The following FAM78B variants were observed in gnomAD, a reference collection of about 807,000 sequenced individuals.
FAM78B encodes the protein family with sequence similarity 78 member B, also known as protein FAM78B.
A neutral mutation model predicts 20.0 loss-of-function variants in FAM78B; 10 were observed. That is an observed-to-expected ratio of 0.50 (90% CI 0.31 to 0.85). The LOEUF (loss-of-function observed/expected upper bound fraction) is 0.85, where lower values mean the gene tolerates loss of function less well. Among genes scored for constraint, FAM78B ranks in the 40% least tolerant of loss-of-function variants. The pLI is 0.05. For synonymous variants in FAM78B, 135 were observed against 132.8 expected, an observed-to-expected ratio of 1.02 and a Z score of -0.12; for missense variants, 283 against 345.0, an observed-to-expected ratio of 0.82 and a Z score of 1.42.
Position 166,146,312 on chromosome 1 carries a change from T to C in FAM78B, c.263+19674A>G, listed in dbSNP as rs927508784. ...CTGGGATCACAAGGCATTATGTTTA[T>C]TTAGGATACTTTCTGAGACATTTCT... On this transcript the variant is annotated intron_variant, in intron 1 of 1. Transcript: ENST00000354422. Among the ~76,000 whole-genome samples, 6 of 152,336 alleles carry C rather than the reference T, an allele frequency of 3.9e-5. No individual in the cohort carries two copies. The South Asian group carries it at 6.2e-4, about 16-fold the overall frequency.
In FAM78B at chr1:166,166,279, TG is replaced by T; in HGVS notation, c.-32del. 1 of 1,273,572 alleles carries T rather than the reference TG, an allele frequency of 7.9e-7. No individual in the cohort carries two copies. The allele number at this position is 1,273,572 out of a possible 1,614,324, so 78.9% of individuals were successfully genotyped here. On this transcript the variant is annotated 5_prime_UTR_variant, in exon 1 of 2. Transcript: ENST00000354422. ...AGCCCGGTGCCGGCACGGCGCGGCG[TG>T]GGGCAGCGCGGGGGCCCGCGCGGGC...
chr1:166,134,696 T>A (rs1655008455), intron 1 of FAM78B, among the ~76,000 whole-genome samples: 1 of 152,154 alleles, frequency 6.6e-6, no homozygotes, highest in Non-Finnish European at 1.5e-5. Flanking sequence ...CTGATTGTGG[T>A]GTCACAAGGC....
intron 2 of FAM78B, among the ~76,000 whole-genome samples, chr1:166,062,960 T>G (rs10918331): frequency 0.25 from 37,852 of 152,202 alleles, 5,068 homozygotes; most frequent in Middle Eastern, 0.32. Context: ...GACGTGGCTG[T>G]AGGTTTTTCC....
chr1:166,081,280 T>G (rs938677232), intron 1 of FAM78B: 5 of 152,226 alleles, frequency 3.3e-5, no homozygotes, highest in Non-Finnish European at 7.3e-5. Flanking sequence ...TAGAGACATC[T>G]TCTCACTGTG....
chr1:166,079,077 A>G (rs989097345), intron 1 of FAM78B, among the ~76,000 whole-genome samples: 8 of 152,000 alleles, frequency 5.3e-5, no homozygotes, highest in African/African-American at 1.9e-4. Context: ...GACTACAGGC[A>G]TGCACCACCA....
chr1:166,092,867 T>C (rs1263095075), intron 1 of FAM78B, among the ~76,000 whole-genome samples: 1 of 152,142 alleles, frequency 6.6e-6, no homozygotes, highest in East Asian at 1.9e-4. Context: ...ATAAGTCACT[T>C]GTTAAATCCT....
At chr1:166,084,205 C>CCACA (rs374157991) in intron 1 of FAM78B, among the ~76,000 whole-genome samples, 33,063 of 120,482 alleles carry the variant, frequency 0.27, 4,395 homozygotes, top group Middle Eastern at 0.35. Context: ...GATGTAGAAA[C>CCACA]CACACACACA....
At chr1:166,109,840 G>A (rs6426967) in intron 1 of FAM78B, among the ~76,000 whole-genome samples, 13,640 of 24,184 alleles carry the variant, frequency 0.56, 4,561 homozygotes, top group Non-Finnish European at 0.65. Context: ...ATGTATATAT[G>A]TATATATATA....
chr1:166,111,326 T>C (rs1654050167), intron 1 of FAM78B, among the ~76,000 whole-genome samples: 1 of 152,178 alleles, frequency 6.6e-6, no homozygotes, highest in Non-Finnish European at 1.5e-5. Context: ...ATATTGAATT[T>C]CATATTTGCT....
rs116190744 is a variant in FAM78B at position 166,143,347 on chromosome 1, G to A, written c.263+22639C>T. On this transcript the variant is annotated intron_variant, in intron 1 of 1. Transcript: ENST00000354422. Reference sequence around the variant, plus strand: ...GGAACAGCATATTCAAAAGTCTAGAGGTATCACGGCTGGGAGCTACATGCC... The same window carrying A: ...GGAACAGCATATTCAAAAGTCTAGAAGTATCACGGCTGGGAGCTACATGCC... 3.4e-3 allele frequency among the ~76,000 whole-genome samples: 510 copies of A among 152,046 alleles called. 1 individual carries two copies. Among genetic ancestry groups the A allele is most frequent in the Admixed American group, 7.7e-3 (118 of 15,258 alleles).
intron 1 of FAM78B, among the ~76,000 whole-genome samples, chr1:166,161,153 C>T (rs1397500624): frequency 1.3e-5 from 2 of 151,236 alleles, no homozygotes; most frequent in Non-Finnish European, 2.9e-5. Context: ...AAGAGATTTT[C>T]TTTCTTTTTT....
At chr1:166,078,329 G>A (rs917126315) in intron 1 of FAM78B, among the ~76,000 whole-genome samples, 1 of 151,974 alleles carries the variant, frequency 6.6e-6, no homozygotes, top group South Asian at 2.1e-4. Context: ...GTGCCTGGCC[G>A]TCAATATTAG....
chr1:166,056,941 G>C (rs1451699665), downstream of FAM78B, among the ~76,000 whole-genome samples: 1 of 152,148 alleles, frequency 6.6e-6, no homozygotes. Flanking sequence ...CAGACCTCTT[G>C]TAAGAGAGGC....
chr1:166,135,553 C>T (rs770941497), intron 1 of FAM78B, among the ~76,000 whole-genome samples: 30 of 152,240 alleles, frequency 2.0e-4, no homozygotes, highest in Non-Finnish European at 4.3e-4. Flanking sequence ...CATTGCTCTT[C>T]TACTCAGTCC....
intron 1 of FAM78B, among the ~76,000 whole-genome samples, chr1:166,137,612 C>T (rs1228694258): frequency 6.6e-6 from 1 of 151,984 alleles, no homozygotes; most frequent in Non-Finnish European, 1.5e-5. Context: ...ACCTGCAGAT[C>T]AGAGGAAATA....
At position 166,147,100 on chromosome 1, in the gene FAM78B, GC is replaced by G. The variant is rs1655482962; in HGVS notation, c.263+18885del. Among the ~76,000 whole-genome samples the G allele has an allele frequency of 3.9e-5, 6 of 152,300 alleles. No homozygotes were observed. The South Asian group carries it at 1.2e-3, about 32-fold the overall frequency. On this transcript the variant is annotated intron_variant, in intron 1 of 1. Coordinates refer to ENST00000354422, the MANE Select transcript of FAM78B (RefSeq NM_001017961.5). Reference sequence around the variant, plus strand: ...ATCTAGGAGGAGATAATCCGAAAGAGCCTTACCCTAGGAGAGGTGGTCAGGA... The same window carrying G: ...ATCTAGGAGGAGATAATCCGAAAGAGCTTACCCTAGGAGAGGTGGTCAGGA...
intron 1 of FAM78B, among the ~76,000 whole-genome samples, chr1:166,137,940 T>A (rs559810806): frequency 2.9e-4 from 44 of 152,316 alleles, no homozygotes; most frequent in African/African-American, 1.1e-3. Context: ...TGTAGGCAGC[T>A]GGTCTCAGGC....
intron 1 of FAM78B, among the ~76,000 whole-genome samples, chr1:166,081,526 C>T (rs543216502): frequency 2.0e-5 from 3 of 152,314 alleles, no homozygotes; most frequent in East Asian, 3.9e-4. Context: ...CTAATGCCTG[C>T]AGAGCGCCGT....
chr1:166,100,624 A>T (rs1378047609), intron 1 of FAM78B, among the ~76,000 whole-genome samples: 2 of 152,236 alleles, frequency 1.3e-5, no homozygotes, highest in Non-Finnish European at 2.9e-5. Flanking sequence ...TCAAACTGCA[A>T]GGTGGCAGCA....
Sources: allele counts gnomAD v4.1 joint callset (sites outside exome capture counted in the v4.1 genomes callset), GRCh38; gene constraint gnomAD v4.1.1; transcripts MANE v1.5; gene names NCBI Gene and HGNC (gene_info 2026-07-23, HGNC 2026-07-21).